Variants in LARP4B observed in about 807,000 individuals in gnomAD.
LARP4B encodes the protein la-related protein 4B.
LARP4B carries 12 observed loss-of-function variants against 89.8 expected under a neutral mutation model. That is an observed-to-expected ratio of 0.13 (90% CI 0.09 to 0.22). The LOEUF (loss-of-function observed/expected upper bound fraction) is 0.22, where lower values mean the gene tolerates loss of function less well. Ranked by LOEUF, LARP4B falls within the 10% of genes least tolerant of loss-of-function variation. The probability of loss-of-function intolerance (pLI) is 1.00; values close to 1 mark genes in which losing one functional copy is unlikely to be tolerated. For synonymous variants in LARP4B, 367 were observed against 363.3 expected (o/e 1.01, Z -0.12); for missense variants, 757 against 947.7 (o/e 0.80, Z 2.64).
At chr10:959,279 C>A in the LARP4B span, among the ~76,000 whole-genome samples, 4 of 152,054 alleles carry the variant, frequency 2.6e-5, no homozygotes, top group African/African-American at 9.7e-5. Context: ...GGAAATTTGG[C>A]AGCATTTGTT....
chr10:923,374 G>T (rs974732902), intron 1 of LARP4B, among the ~76,000 whole-genome samples: 1 of 151,876 alleles, frequency 6.6e-6, no homozygotes, highest in African/African-American at 2.4e-5. Context: ...ACCAATTACC[G>T]CATCTTTTCC....
chr10:820,739 C>T (rs1832309670), intron 14 of LARP4B, 61 bp downstream of exon 14: 1 of 1,388,226 alleles, frequency 7.2e-7, no homozygotes, highest in Middle Eastern at 1.8e-4. Context: ...AATTAAATCT[C>T]AGGTTTGGTA....
chr10:967,912 G>A, the LARP4B span, among the ~76,000 whole-genome samples: 1 of 152,260 alleles, frequency 6.6e-6, no homozygotes, highest in Non-Finnish European at 1.5e-5. Context: ...ATGTTGGCCA[G>A]GCTGGTCTCG....
the LARP4B span, among the ~76,000 whole-genome samples, chr10:948,018 A>C: frequency 6.6e-5 from 10 of 152,078 alleles, no homozygotes; most frequent in African/African-American, 1.9e-4. Context: ...CTGAGACCTG[A>C]GGAGGGCAGC....
intron 1 of LARP4B, chr10:903,574 C>A (rs1043854950): frequency 5.3e-5 from 8 of 152,156 alleles, no homozygotes; most frequent in Admixed American, 4.6e-4. Flanking sequence ...TGGGCATACA[C>A]CTGAACTGAG....
the LARP4B span, among the ~76,000 whole-genome samples, chr10:939,949 G>A: frequency 6.6e-6 from 1 of 152,072 alleles, no homozygotes; most frequent in Non-Finnish European, 1.5e-5. Context: ...AGGTTCAAGC[G>A]GTTCTCGTGC....
intron 7 of LARP4B, among the ~76,000 whole-genome samples, chr10:839,762 C>T (rs974000973): frequency 6.6e-6 from 1 of 152,140 alleles, no homozygotes; most frequent in African/African-American, 2.4e-5. Context: ...GCTCACACAC[C>T]TAACCACACA....
At chr10:886,707 A>G (rs1312187003) in intron 1 of LARP4B, among the ~76,000 whole-genome samples, 1 of 152,242 alleles carries the variant, frequency 6.6e-6, no homozygotes, top group Non-Finnish European at 1.5e-5. Flanking sequence ...AGTGAAACAC[A>G]CCAGCACAAA....
At chr10:915,585 A>T (rs1836795818) in intron 1 of LARP4B, among the ~76,000 whole-genome samples, 6 of 152,326 alleles carry the variant, frequency 3.9e-5, no homozygotes, top group African/African-American at 1.4e-4. Flanking sequence ...TGGGTGGATC[A>T]CGAGGTCAGG....
intron 1 of LARP4B, among the ~76,000 whole-genome samples, chr10:914,768 T>G (rs1354410747): frequency 1.4e-5 from 2 of 147,754 alleles, no homozygotes; most frequent in Non-Finnish European, 3.0e-5. Flanking sequence ...GCCACTGCAC[T>G]CCAGCCTGTG....
rs530297635 is a variant in LARP4B, at chr10:909,548, G to A, written c.-40+21880C>T. Among the ~76,000 whole-genome samples the A allele has an allele frequency of 9.9e-5, 15 of 152,144 alleles. No homozygotes were observed. In the South Asian group the frequency reaches 2.9e-3, roughly 29 times the overall value. Reference sequence around the variant, plus strand: ...GCCTGTAATCCTGGCACTTTGGGGGGCCAAGGCAGGTGGATCACCTGAGGG... The same window carrying A: ...GCCTGTAATCCTGGCACTTTGGGGGACCAAGGCAGGTGGATCACCTGAGGG... On this transcript the variant is annotated intron_variant, in intron 1 of 17. Transcript: ENST00000316157.
At chr10:976,639 C>T in the LARP4B span, among the ~76,000 whole-genome samples, 101 of 147,592 alleles carry the variant, frequency 6.8e-4, no homozygotes, top group Non-Finnish European at 1.0e-3. Flanking sequence ...TATCATGCAA[C>T]GTGTGGACCC....
intron 3 of LARP4B, among the ~76,000 whole-genome samples, chr10:882,371 C>G (rs1226738245): frequency 6.6e-6 from 1 of 151,444 alleles, no homozygotes; most frequent in Non-Finnish European, 1.5e-5. Context: ...ATATTGTTCT[C>G]ATACTAAATA....
the LARP4B span, among the ~76,000 whole-genome samples, chr10:981,646 C>T: frequency 2.0e-5 from 3 of 152,180 alleles, no homozygotes; most frequent in Non-Finnish European, 2.9e-5. Flanking sequence ...TCTCGGCTCA[C>T]CGCAACCTCT....
rs377065712 is a variant in LARP4B, at chr10:827,701, T to C, written c.1125+1684A>G. Among the ~76,000 whole-genome samples, 296 of 152,006 alleles carry C rather than the reference T, an allele frequency of 1.9e-3. 1 individual carries two copies. Among genetic ancestry groups the C allele is most frequent in the African/African-American group, 6.7e-3 (278 of 41,432 alleles). On this transcript the variant is annotated intron_variant, in intron 11 of 17. Transcript: ENST00000316157. ...GGATCCCCGAGAGGGTCAACCATGA[T>C]TAAAGAAACGGAAGAAGCAACTGCT...
chr10:879,322 A>T (rs886224537), intron 3 of LARP4B, among the ~76,000 whole-genome samples: 3 of 152,224 alleles, frequency 2.0e-5, no homozygotes, highest in Non-Finnish European at 4.4e-5. Flanking sequence ...ATCCTGGGGC[A>T]AGTTCTCCGA....
intron 1 of LARP4B, among the ~76,000 whole-genome samples, chr10:930,891 G>C (rs909251104): frequency 2.6e-5 from 4 of 151,558 alleles, no homozygotes; most frequent in African/African-American, 9.7e-5. Flanking sequence ...GGACCGAGGA[G>C]CGAGTGGCAA....
the LARP4B span, among the ~76,000 whole-genome samples, chr10:984,107 C>T: frequency 6.6e-6 from 1 of 152,154 alleles, no homozygotes; most frequent in African/African-American, 2.4e-5. Flanking sequence ...AATGACGTCA[C>T]ATCATCAAAG....
rs532255286 is a variant in LARP4B at position 829,706 on chromosome 10, T to C, written c.890A>G (p.Lys297Arg). Reference protein sequence around the residue: ...QAYKYLREEVKTFQGKPIKAR... With the variant: ...QAYKYLREEVRTFQGKPIKAR... ...CTTAATTGGTTTTCCTTGAAAAGTTTTGACTTCTTCTCGAAGGTATTTGTA... is the reference window on the plus strand; with the variant it reads ...CTTAATTGGTTTTCCTTGAAAAGTTCTGACTTCTTCTCGAAGGTATTTGTA... Residue 297 changes from lysine (K) to arginine (R), a missense_variant, in exon 10 of 18, where the codon AAA (lysine) becomes AGA (arginine). Lys to Arg is a conservative substitution (Grantham distance 26, BLOSUM62 2). Around this residue, in one of 5 missense-constraint regions of LARP4B, gnomAD observed 137 missense variants for 213.9 expected, o/e 0.64. Transcript: ENST00000316157. The C allele has an allele frequency of 3.7e-6, 6 of 1,612,962 alleles. No homozygotes were observed. Among genetic ancestry groups the C allele is most frequent in the Middle Eastern group, 1.7e-4 (1 of 5,880 alleles).
Sources: allele counts gnomAD v4.1 joint callset (sites outside exome capture counted in the v4.1 genomes callset), GRCh38; gene constraint gnomAD v4.1.1; regional missense constraint gnomAD v4.1.1; transcripts MANE v1.5; gene names NCBI Gene and HGNC (gene_info 2026-07-23, HGNC 2026-07-21).